TAFA2: variants seen among roughly 807,000 people sequenced by gnomAD.
The protein encoded by TAFA2 is chemokine-like protein TAFA-2.
TAFA2 carries 7 observed loss-of-function variants against 18.8 expected under a neutral mutation model. The observed-to-expected ratio is 0.37, with a 90% CI of 0.21 to 0.70. The LOEUF (loss-of-function observed/expected upper bound fraction) is 0.70, where lower values mean the gene tolerates loss of function less well. TAFA2 is among the 30% of genes least tolerant of loss of function. TAFA2 has a pLI of 0.53. For missense variants in TAFA2, 122 were observed against 158.1 expected, an observed-to-expected ratio of 0.77 and a Z score of 1.23; for synonymous variants, 60 against 54.2, an observed-to-expected ratio of 1.11 and a Z score of -0.47.
At chr12:61,723,892 G>A (rs371373000) in intron 4 of TAFA2, among the ~76,000 whole-genome samples, 1 of 151,918 alleles carries the variant, frequency 6.6e-6, no homozygotes, top group Non-Finnish European at 1.5e-5. Context: ...ACACTGTCAG[G>A]AAATTCTTCT....
intron 1 of TAFA2, among the ~76,000 whole-genome samples, chr12:61,954,542 C>A (rs1878585115): frequency 6.7e-6 from 1 of 150,364 alleles, no homozygotes; most frequent in South Asian, 2.1e-4. Flanking sequence ...AAACACAAAA[C>A]ACACACACAC....
intron 1 of TAFA2, among the ~76,000 whole-genome samples, chr12:62,226,808 C>T (rs1164879936): frequency 3.3e-5 from 5 of 152,194 alleles, no homozygotes; most frequent in Non-Finnish European, 7.3e-5. Flanking sequence ...TCAAATGGTG[C>T]CAGTTTTCCC....
chr12:62,043,369 A>C (rs867764199), intron 1 of TAFA2, among the ~76,000 whole-genome samples: 6 of 151,632 alleles, frequency 4.0e-5, no homozygotes, highest in South Asian at 2.1e-4. Context: ...AAGGACAAAA[A>C]ACCAAACACC....
chr12:61,843,420 C>T (rs923365386), intron 2 of TAFA2, among the ~76,000 whole-genome samples: 3 of 151,986 alleles, frequency 2.0e-5, no homozygotes, highest in Non-Finnish European at 4.4e-5. Flanking sequence ...AGGAAAAATT[C>T]GGAACACTAT....
intron 1 of TAFA2, among the ~76,000 whole-genome samples, chr12:62,182,437 G>A (rs920695702): frequency 1.3e-4 from 20 of 152,164 alleles, no homozygotes; most frequent in Non-Finnish European, 2.4e-4. Context: ...CTTTTCGAAT[G>A]TGCAGAATAA....
In TAFA2 at chr12:62,229,449, C is replaced by T. The variant is rs2062802574; in HGVS notation, c.-130+29314G>A. ...AAGGGATGTTGAATATTGTCAAACA[C>T]TTTTTCATCATCTAATGAAATGATC... On this transcript the variant is annotated intron_variant, in intron 1 of 5. Coordinates refer to the TAFA2 transcript ENST00000551619. 5.9e-5 allele frequency among the ~76,000 whole-genome samples: 9 copies of T among 151,934 alleles called. No homozygotes were observed. In the South Asian group the frequency reaches 1.9e-3, roughly 32 times the overall value.
intron 2 of TAFA2, among the ~76,000 whole-genome samples, chr12:61,808,854 A>G (rs1198797325): frequency 6.6e-6 from 1 of 151,494 alleles, no homozygotes; most frequent in Non-Finnish European, 1.5e-5. Flanking sequence ...GCACAAATGA[A>G]TTAACAACTA....
chr12:62,019,704 GA>G (rs1249775437), intron 1 of TAFA2, among the ~76,000 whole-genome samples: 2 of 151,228 alleles, frequency 1.3e-5, no homozygotes, highest in Non-Finnish European at 2.9e-5. Flanking sequence ...AGCATTAGGA[GA>G]TATACCTAAT....
At chr12:61,778,504 C>T (rs1439981182) in intron 2 of TAFA2, among the ~76,000 whole-genome samples, 1 of 151,790 alleles carries the variant, frequency 6.6e-6, no homozygotes, top group African/African-American at 2.4e-5. Flanking sequence ...CTCTCATTCT[C>T]ATTCCCTCTC....
intron 1 of TAFA2, among the ~76,000 whole-genome samples, chr12:62,006,452 T>A (rs1248727114): frequency 6.6e-6 from 1 of 152,168 alleles, no homozygotes; most frequent in East Asian, 1.9e-4. Context: ...ATAACTATCA[T>A]GTTATAATAA....
At chr12:61,857,210 A>G (rs185424954) in intron 2 of TAFA2, among the ~76,000 whole-genome samples, 1 of 152,264 alleles carries the variant, frequency 6.6e-6, no homozygotes, top group East Asian at 1.9e-4. Context: ...TCAAATTAAT[A>G]ATAGAAACAT....
intron 2 of TAFA2, among the ~76,000 whole-genome samples, chr12:61,785,659 C>T (rs1870707437): frequency 6.6e-6 from 1 of 151,454 alleles, no homozygotes; most frequent in Non-Finnish European, 1.5e-5. Context: ...GAGTATCTCT[C>T]TGCACTTCAG....
chr12:61,914,545 C>T (rs996646368), intron 1 of TAFA2, among the ~76,000 whole-genome samples: 3 of 152,310 alleles, frequency 2.0e-5, no homozygotes, highest in African/African-American at 7.2e-5. Context: ...TAAAGTCTCT[C>T]TTGGCCCATC....
intron 1 of TAFA2, among the ~76,000 whole-genome samples, chr12:62,019,518 T>G (rs1881051475): frequency 6.6e-6 from 1 of 151,806 alleles, no homozygotes; most frequent in Non-Finnish European, 1.5e-5. Flanking sequence ...ATGTCCTTTG[T>G]AGGGACATAG....
chr12:62,021,567 T>C, intron 1 of TAFA2: 1 of 809,162 alleles, frequency 1.2e-6, no homozygotes, highest in Admixed American at 1.7e-5. Flanking sequence ...GGAGACCCTG[T>C]TACGCTGTGG....
At chr12:62,209,395 T>C (rs970127874) in intron 1 of TAFA2, among the ~76,000 whole-genome samples, 10 of 152,340 alleles carry the variant, frequency 6.6e-5, no homozygotes, top group African/African-American at 2.4e-4. Flanking sequence ...TCTGCCATGA[T>C]TGTAAGTTTC....
intron 1 of TAFA2, among the ~76,000 whole-genome samples, chr12:61,877,922 T>TACACACACAC (rs1202685029): frequency 8.8e-4 from 129 of 146,182 alleles, no homozygotes; most frequent in Middle Eastern, 3.5e-3. Flanking sequence ...TATATATATA[T>TACACACACAC]ATACACACAC....
chr12:61,779,688 T>A (rs1256051819), intron 2 of TAFA2, among the ~76,000 whole-genome samples: 1 of 151,770 alleles, frequency 6.6e-6, no homozygotes, highest in Non-Finnish European at 1.5e-5. Context: ...AGGGAGGAGA[T>A]TTTCCCATGT....
intron 4 of TAFA2, among the ~76,000 whole-genome samples, chr12:61,717,181 G>T (rs1051760642): frequency 6.6e-6 from 1 of 151,872 alleles, no homozygotes; most frequent in African/African-American, 2.4e-5. Context: ...CTTGAGAAAA[G>T]CTGCCATTAC....
Sources: allele counts gnomAD v4.1 joint callset (sites outside exome capture counted in the v4.1 genomes callset), GRCh38; gene constraint gnomAD v4.1.1; transcripts MANE v1.5; gene names NCBI Gene and HGNC (gene_info 2026-07-23, HGNC 2026-07-21).